FAM163B: variants seen among roughly 807,000 people sequenced by gnomAD.
FAM163B encodes family with sequence similarity 163 member B.
In FAM163B, 4 loss-of-function variants were observed where a neutral mutation model predicts 7.6. The ratio of observed to expected loss-of-function variants is 0.52; its 90% CI spans 0.26 to 1.20. The LOEUF is 1.20. Ranked by LOEUF, FAM163B falls within the 50% of genes most tolerant of loss-of-function variation. FAM163B has a pLI of 0.14. For synonymous variants in FAM163B, 120 were observed against 111.6 expected, an observed-to-expected ratio of 1.07 and a Z score of -0.47; for missense variants, 250 against 243.0, an observed-to-expected ratio of 1.03 and a Z score of -0.19.
intron 1 of FAM163B, among the ~76,000 whole-genome samples, chr9:133,592,365 G>A (rs546681977): frequency 7.9e-5 from 12 of 152,308 alleles, no homozygotes; most frequent in African/African-American, 2.6e-4. Context: ...GTCAACCTGA[G>A]CTCAGAATTG....
intron 1 of FAM163B, among the ~76,000 whole-genome samples, chr9:133,587,944 G>T (rs2131231041): frequency 6.6e-6 from 1 of 150,584 alleles, no homozygotes; most frequent in East Asian, 2.0e-4. Context: ...AGAGAAAAAG[G>T]TGATGGGCGA....
intron 1 of FAM163B, among the ~76,000 whole-genome samples, chr9:133,582,537 A>G (rs1831371900): frequency 6.6e-6 from 1 of 152,150 alleles, no homozygotes; most frequent in African/African-American, 2.4e-5. Context: ...TGTCTCCTCC[A>G]CGTGAATGCC....
At position 133,605,470 on chromosome 9, in the gene FAM163B, G is replaced by A. The variant is rs576599403; in HGVS notation, c.-24+3607C>T. On this transcript the variant is annotated intron_variant, in intron 1 of 2. Coordinates refer to ENST00000673969, the MANE Select transcript of FAM163B (RefSeq NM_001080515.3). The stretch of plus-strand genomic sequence containing the variant: ...TCCCAGTCCCTGCCCAGCCTCCACC[G>A]GAGCTCCCTAGCTGGTGCAGCCTTC... Among the ~76,000 whole-genome samples the A allele has an allele frequency of 3.9e-5, 6 of 152,254 alleles. No individual in the cohort carries two copies. In the East Asian group the frequency reaches 7.7e-4, roughly 20 times the overall value.
Position 133,580,183 on chromosome 9 carries a change from G to A in FAM163B, c.41C>T (p.Ala14Val), listed in dbSNP as rs1218133663. ...GATGATGCAGAGCAAAATCACAGTC[G>A]CCAAGATGCCCCCGGTGATGACCAC... ...GTVVITGGIL[A>V]TVILLCIIAV... Residue 14 changes from alanine to valine, a missense_variant, in exon 2 of 3, where the codon GCG becomes GTG. By Grantham distance (64) the Ala-to-Val change is moderately conservative. Transcript: ENST00000673969. 6.8e-6 allele frequency: 11 copies of A among 1,613,262 alleles called. No homozygotes were observed. The highest frequency in any genetic ancestry group is 7.6e-6 in the Non-Finnish European group (9 of 1,180,024).
intron 1 of FAM163B, among the ~76,000 whole-genome samples, chr9:133,599,847 G>C (rs565305091): frequency 2.0e-3 from 305 of 151,188 alleles, no homozygotes; most frequent in African/African-American, 6.7e-3. Flanking sequence ...GTGTACGAGT[G>C]TGTGTGCATG....
At chr9:133,589,786 G>T (rs958560717) in intron 1 of FAM163B, among the ~76,000 whole-genome samples, 8 of 152,164 alleles carry the variant, frequency 5.3e-5, no homozygotes, top group Non-Finnish European at 8.8e-5. Context: ...GGGAACAGCA[G>T]CACAGAGCTG....
chr9:133,589,696 C>G (rs1009916951), intron 1 of FAM163B, among the ~76,000 whole-genome samples: 1 of 152,106 alleles, frequency 6.6e-6, no homozygotes, highest in Non-Finnish European at 1.5e-5. Context: ...ACACTTGCAC[C>G]GCAGGCCCTG....
At chr9:133,604,576 A>G (rs1302290608) in intron 1 of FAM163B, among the ~76,000 whole-genome samples, 1 of 152,230 alleles carries the variant, frequency 6.6e-6, no homozygotes, top group Non-Finnish European at 1.5e-5. Context: ...ACCCTTTAAT[A>G]TATGAAGTTA....
chr9:133,589,745 C>T (rs1831508730), intron 1 of FAM163B, among the ~76,000 whole-genome samples: 1 of 152,198 alleles, frequency 6.6e-6, no homozygotes, highest in African/African-American at 2.4e-5. Flanking sequence ...CCCACCCTCA[C>T]CTAGCTGATC....
chr9:133,581,184 A>G (rs754736200), intron 1 of FAM163B, among the ~76,000 whole-genome samples: 11 of 152,204 alleles, frequency 7.2e-5, no homozygotes, highest in Non-Finnish European at 1.3e-4. Context: ...CTGATAAACC[A>G]GCTCTCAAAG....
chr9:133,585,784 G>A (rs1831427316), intron 1 of FAM163B, among the ~76,000 whole-genome samples: 1 of 152,226 alleles, frequency 6.6e-6, no homozygotes, highest in African/African-American at 2.4e-5. Flanking sequence ...TCCACTTCCA[G>A]ATGGGGAAAC....
At chr9:133,593,840 A>G (rs1588329954) in intron 1 of FAM163B, among the ~76,000 whole-genome samples, 1 of 152,168 alleles carries the variant, frequency 6.6e-6, no homozygotes, top group Non-Finnish European at 1.5e-5. Flanking sequence ...TGGCAGGGCC[A>G]GTGGCTTTGA....
At chr9:133,583,013 C>T (rs979019144) in intron 1 of FAM163B, among the ~76,000 whole-genome samples, 19 of 152,182 alleles carry the variant, frequency 1.2e-4, no homozygotes, top group Admixed American at 1.0e-3. Context: ...TGTATGTCAC[C>T]TACTGTGTGT....
At chr9:133,603,452 G>A (rs1001815614) in intron 1 of FAM163B, among the ~76,000 whole-genome samples, 32 of 152,198 alleles carry the variant, frequency 2.1e-4, no homozygotes, top group African/African-American at 7.2e-4. Flanking sequence ...CCTACAGCAC[G>A]TGGGAAAAGC....
intron 1 of FAM163B, among the ~76,000 whole-genome samples, chr9:133,586,899 A>ACC (rs74648785): frequency 6.6e-6 from 1 of 151,636 alleles, no homozygotes; most frequent in African/African-American, 2.4e-5. Flanking sequence ...TCACCCTGGG[A>ACC]CCCCCCAGCG....
chr9:133,580,651 T>C (rs1283913379), intron 1 of FAM163B, among the ~76,000 whole-genome samples: 1 of 152,224 alleles, frequency 6.6e-6, no homozygotes, highest in African/African-American at 2.4e-5. Context: ...GTAACCTGCT[T>C]CCCTGCATTT....
At chr9:133,587,915 T>C (rs1423376608) in intron 1 of FAM163B, among the ~76,000 whole-genome samples, 1 of 142,334 alleles carries the variant, frequency 7.0e-6, no homozygotes, top group African/African-American at 2.6e-5. Context: ...CTGGAGCAGA[T>C]AGGGAAGGGA....
At chr9:133,583,935 C>T (rs1450575850) in intron 1 of FAM163B, among the ~76,000 whole-genome samples, 6 of 152,288 alleles carry the variant, frequency 3.9e-5, no homozygotes, top group Non-Finnish European at 7.4e-5. Flanking sequence ...AGCGCCCAGC[C>T]TGACATCAGA....
intron 1 of FAM163B, among the ~76,000 whole-genome samples, chr9:133,599,844 AGT>A (rs1005031325): frequency 5.1e-5 from 7 of 137,990 alleles, no homozygotes; most frequent in African/African-American, 1.7e-4. Flanking sequence ...TCTGTGTACG[AGT>A]GTGTGTGCAT....
Sources: gnomAD v4.1 joint callset for allele counts (sites outside exome capture counted in the v4.1 genomes callset) on GRCh38, gnomAD v4.1.1 for gene constraint, MANE v1.5 for transcripts, NCBI Gene and HGNC (gene_info 2026-07-23, HGNC 2026-07-21) for gene names.